The following TSPEAR variants were observed in gnomAD, a reference collection of about 807,000 sequenced individuals.
The protein encoded by TSPEAR is thrombospondin-type laminin G domain and EAR repeat-containing protein.
A neutral mutation model predicts 71.6 loss-of-function variants in TSPEAR; 69 were observed. The observed-to-expected ratio is 0.96, with a 90% CI of 0.79 to 1.18. The LOEUF (loss-of-function observed/expected upper bound fraction) is 1.18. TSPEAR is among the 50% of genes most tolerant of loss of function. TSPEAR has a pLI of 0.00. For synonymous variants in TSPEAR, 402 were observed against 387.2 expected, an observed-to-expected ratio of 1.04 and a Z score of -0.45; for missense variants, 971 against 894.9, an observed-to-expected ratio of 1.09 and a Z score of -1.09.
intron 1 of TSPEAR, among the ~76,000 whole-genome samples, chr21:44,654,988 C>G (rs1438202402): frequency 1.3e-5 from 2 of 152,154 alleles, no homozygotes; most frequent in African/African-American, 4.8e-5. Flanking sequence ...CTCACTACAC[C>G]AGGGGCCCCG....
chr21:44,652,977 A>G, intron 1 of TSPEAR, among the ~76,000 whole-genome samples: 1 of 152,104 alleles, frequency 6.6e-6, no homozygotes, highest in East Asian at 1.9e-4. Flanking sequence ...TAACACGGTG[A>G]AACCCCGTCT....
At chr21:44,667,760 T>C (rs1985864307) in intron 1 of TSPEAR, among the ~76,000 whole-genome samples, 1 of 152,172 alleles carries the variant, frequency 6.6e-6, no homozygotes, top group Non-Finnish European at 1.5e-5. Context: ...CCTACAGATG[T>C]CAACACCAGA....
intron 8 of TSPEAR, among the ~76,000 whole-genome samples, chr21:44,523,003 CAGTT>C (rs1437998313): frequency 2.6e-5 from 4 of 152,168 alleles, no homozygotes; most frequent in African/African-American, 7.2e-5. Flanking sequence ...AGTCAGTCAT[CAGTT>C]AGTCACTGAA....
At position 44,650,214 on chromosome 21, in the gene TSPEAR, C is replaced by CA. The variant is rs34442804; in HGVS notation, c.82+61218dup. ...CTGGGTGACCAGGCAAGACCCTCTC[C>CA]AAAAAAAAAAAAGAAAGAAAAGGTA... is the stretch of plus-strand genomic sequence containing the variant. On this transcript the variant is annotated intron_variant, in intron 1 of 11. Coordinates refer to ENST00000323084, the MANE Select transcript of TSPEAR (RefSeq NM_144991.3). 2.0e-4 allele frequency among the ~76,000 whole-genome samples: 29 copies of CA among 145,486 alleles called. No homozygotes were observed. The Middle Eastern group carries it at 0.011, about 53-fold the overall frequency.
At chr21:44,545,908 G>C (rs145079250) in intron 2 of TSPEAR, among the ~76,000 whole-genome samples, 1 of 152,242 alleles carries the variant, frequency 6.6e-6, no homozygotes, top group Non-Finnish European at 1.5e-5. Flanking sequence ...ATAAAGACTA[G>C]AGCACAGAAA....
intron 2 of TSPEAR, among the ~76,000 whole-genome samples, chr21:44,565,906 C>T (rs2053696651): frequency 6.6e-6 from 1 of 152,236 alleles, no homozygotes; most frequent in Admixed American, 6.5e-5. Context: ...ACAACGTCAA[C>T]ACACAGAAAT....
At chr21:44,602,729 GCA>G (rs1555929167) in intron 1 of TSPEAR, among the ~76,000 whole-genome samples, 1 of 152,188 alleles carries the variant, frequency 6.6e-6, no homozygotes, top group African/African-American at 2.4e-5. Context: ...CCCCAACATC[GCA>G]CACGCAGCGT....
In TSPEAR at chr21:44,643,728, CACAA is replaced by C. The variant is rs376259787; in HGVS notation, c.82+67701_82+67704del. Among the ~76,000 whole-genome samples the C allele has an allele frequency of 6.0e-4, 91 of 152,316 alleles. 1 individual carries two copies. The highest frequency in any genetic ancestry group is 1.9e-3 in the African/African-American group (81 of 41,570). Reference sequence around the variant, plus strand: ...ATTCACACACATACACACACACATACACAAACAAACTCACTCCTTCCTTAAAAGC... The same window carrying C: ...ATTCACACACATACACACACACATACACAAACTCACTCCTTCCTTAAAAGC... On this transcript the variant is annotated intron_variant, in intron 1 of 11. Coordinates refer to ENST00000323084, the MANE Select transcript of TSPEAR (RefSeq NM_144991.3).
intron 1 of TSPEAR, chr21:44,657,883 T>TA: frequency 8.5e-7 from 1 of 1,172,694 alleles, no homozygotes; most frequent in South Asian, 1.4e-5. Flanking sequence ...GTTTTTGTGT[T>TA]ACCCAGATGA....
chr21:44,558,778 GGAGTGAGT>G (rs1220996317), intron 2 of TSPEAR: 1 of 1,543,484 alleles, frequency 6.5e-7, no homozygotes, highest in East Asian at 2.3e-5. Flanking sequence ...AGTGAGTGAG[GGAGTGAGT>G]GAGTGATCGT....
At chr21:44,673,773 A>C (rs1053530419) in intron 1 of TSPEAR, among the ~76,000 whole-genome samples, 1 of 152,186 alleles carries the variant, frequency 6.6e-6, no homozygotes, top group South Asian at 2.1e-4. Context: ...TTCTCAGACC[A>C]CAATAACTAA....
At chr21:44,550,003 C>T (rs1353361484) in intron 2 of TSPEAR, among the ~76,000 whole-genome samples, 1 of 152,266 alleles carries the variant, frequency 6.6e-6, no homozygotes, top group Non-Finnish European at 1.5e-5. Flanking sequence ...AGTCTCCCGC[C>T]GTGTCCCACC....
intron 1 of TSPEAR, among the ~76,000 whole-genome samples, chr21:44,626,852 G>A (rs1410553536): frequency 6.9e-6 from 1 of 144,316 alleles, no homozygotes; most frequent in Non-Finnish European, 1.5e-5. Flanking sequence ...GCCCACAGCC[G>A]TCCTTGCCTC....
chr21:44,565,925 T>C (rs782733260), intron 2 of TSPEAR, among the ~76,000 whole-genome samples: 2 of 152,200 alleles, frequency 1.3e-5, no homozygotes, highest in African/African-American at 2.4e-5. Flanking sequence ...ATCAATGGTA[T>C]TTCAGGCCAG....
chr21:44,686,858 C>T (rs2146305561), intron 1 of TSPEAR, among the ~76,000 whole-genome samples: 1 of 152,270 alleles, frequency 6.6e-6, no homozygotes, highest in African/African-American at 2.4e-5. Flanking sequence ...TTAAAAATTT[C>T]CCTGAAGCTG....
rs1329022802 is a variant in TSPEAR at position 44,642,452 on chromosome 21, TA to T, written c.82+68980del. ...GATAGGACTGTAGACCAACATCATTTAAAAAAATAATGTAAGAGATTGTATG... is the reference window on the plus strand; with the variant it reads ...GATAGGACTGTAGACCAACATCATTTAAAAAATAATGTAAGAGATTGTATG... On this transcript the variant is annotated intron_variant, in intron 1 of 11. Transcript: ENST00000323084. This position sits in a 1 kb window ranked among gnomAD's most constrained non-coding sequence, Gnocchi z 4.1. 6.6e-6 allele frequency among the ~76,000 whole-genome samples: 1 copy of T among 152,088 alleles called. No individual in the cohort carries two copies. The highest frequency in any genetic ancestry group is 1.5e-5 in the Non-Finnish European group (1 of 68,014).
chr21:44,620,161 A>G (rs1407222282), intron 1 of TSPEAR, among the ~76,000 whole-genome samples: 1 of 152,260 alleles, frequency 6.6e-6, no homozygotes, highest in Non-Finnish European at 1.5e-5. Flanking sequence ...CATATTTAAC[A>G]TGCTGGGTTT....
intron 1 of TSPEAR, chr21:44,580,583 G>T: frequency 6.2e-7 from 1 of 1,604,684 alleles, no homozygotes; most frequent in Non-Finnish European, 8.5e-7. Context: ...GGCCATGCTG[G>T]GGTGGGGAAG....
chr21:44,647,425 C>T lies in TSPEAR; in HGVS notation c.82+64008G>A. ...CAGGATTCTCCAGTCTCAGGAGCCC[C>T]TGGAGTCCTCAGAATCCACCAGCTC... On this transcript the variant is annotated intron_variant, in intron 1 of 11. Coordinates refer to ENST00000323084, the MANE Select transcript of TSPEAR (RefSeq NM_144991.3). 7 of 1,539,194 alleles carry T rather than the reference C, an allele frequency of 4.5e-6. No homozygotes were observed. In the South Asian group the frequency reaches 8.6e-5, roughly 19 times the overall value.
Sources: gnomAD v4.1 joint callset for allele counts (sites outside exome capture counted in the v4.1 genomes callset) on GRCh38, gnomAD v4.1.1 for gene constraint, Gnocchi (gnomAD v3.1) non-coding constraint, MANE v1.5 for transcripts, NCBI Gene and HGNC (gene_info 2026-07-23, HGNC 2026-07-21) for gene names.